Variants in PYCR3 observed in about 807,000 individuals in gnomAD.
PYCR3 encodes P5C reductase 3.
PYCR3 carries 26 observed loss-of-function variants against 23.4 expected under a neutral mutation model. The observed-to-expected ratio is 1.11, with a 90% CI of 0.81 to 1.54. PYCR3 has a LOEUF of 1.54. PYCR3 is among the 40% of genes most tolerant of loss of function. The pLI is 0.00. For missense variants in PYCR3, 360 were observed against 376.3 expected (o/e 0.96, Z 0.36); for synonymous variants, 194 against 162.6 (o/e 1.19, Z -1.47).
rs767724286 is a variant in PYCR3, at chr8:143,607,170, T to G, written c.157-38A>C. On this transcript the variant is annotated intron_variant, in intron 2 of 5. Transcript: ENST00000495276. ...CACCAGGACCAAGCCTCAGGGGCCA[T>G]GTAAGCGGCGCACCCTCTCCATCAC... is the stretch of plus-strand genomic sequence containing the variant. 2.7e-6 allele frequency: 4 copies of G among 1,494,318 alleles called. No homozygotes were observed. The South Asian group carries it at 3.9e-5, about 14-fold the overall frequency. The allele number at this position is 1,494,318 out of a possible 1,614,324, so 92.6% of individuals were successfully genotyped here.
chr8:143,608,235 C>G, intron 1 of PYCR3, 109 bp from the exon 2 acceptor site: 1 of 815,124 alleles, frequency 1.2e-6, no homozygotes, highest in Non-Finnish European at 2.0e-6. Context: ...CCTGGCCCAT[C>G]CTGGGCCCCC....
Position 143,606,630 on chromosome 8 carries a change from CAG to C in PYCR3, c.384_385del (p.Val130GlyfsTer33). ...CACTATGGCCCCTTCCTGGACCACA[CAG>C]GGCAGGTTGGGCAAGACCCGCAGCA... On this transcript the variant is annotated frameshift_variant, in exon 4 of 6. Transcript: ENST00000495276. LOFTEE classifies it high-confidence loss of function. 1 of 1,609,362 alleles carries C rather than the reference CAG, an allele frequency of 6.2e-7. No individual in the cohort carries two copies. The highest frequency in any genetic ancestry group is 8.5e-7 in the Non-Finnish European group (1 of 1,178,610).
rs1271318510 is a variant in PYCR3 at position 143,604,812 on chromosome 8, T to G, written c.*888A>C. On this transcript the variant is annotated 3_prime_UTR_variant, in exon 6 of 6. Transcript: ENST00000495276. ...CAGGTGGAGGGGCCAAGTCTTGCCA[T>G]CAGAGGCCAGTGTGGTGGTGCCAGA... The G allele has an allele frequency of 7.8e-5, 35 of 447,326 alleles. No homozygotes were observed. Among genetic ancestry groups the G allele is most frequent in the South Asian group, 5.5e-4 (35 of 63,528 alleles). 27.7% of individuals were successfully genotyped at this position (447,326 alleles called of 1,614,324 possible).
chr8:143,609,489 C>A lies in PYCR3; in HGVS notation c.60G>T (p.Ala20=), dbSNP rs532528390. 6.6e-7 allele frequency: 1 copy of A among 1,513,910 alleles called. No individual in the cohort carries two copies. Among genetic ancestry groups the A allele is most frequent in the Admixed American group, 2.0e-5 (1 of 49,092 alleles). The allele number at this position is 1,513,910 out of a possible 1,614,324, so 93.8% of individuals were successfully genotyped here. The change falls in exon 1 of 6, where the codon GCG becomes GCT. Residue 20 remains alanine, a synonymous_variant. Coordinates refer to ENST00000495276, the MANE Select transcript of PYCR3 (RefSeq NM_023078.6). ...TGATGAGGCCCTGCGCGATGGCCCC[C>A]GCCATGCGGCCCGCGCCCACGAAGC... ...RVGFVGAGRM[A]GAIAQGLIRA... is the part of the protein sequence containing the mutation.
At chr8:143,606,199 T>G in intron 4 of PYCR3, 45 bp from the exon 5 acceptor site, 1 of 1,515,260 alleles carries the variant, frequency 6.6e-7, no homozygotes, top group Non-Finnish European at 9.0e-7. Flanking sequence ...TGTCAAAGCC[T>G]GGGGGCTCAG....
At chr8:143,608,449 T>G in intron 1 of PYCR3, 1 of 415,156 alleles carries the variant, frequency 2.4e-6, no homozygotes, top group Non-Finnish European at 4.4e-6. Flanking sequence ...GCAGTACCTC[T>G]GGAGGAACAC....
Position 143,605,595 on chromosome 8 carries a change from CAGT to C in PYCR3, c.*102_*104del, listed in dbSNP as rs1829370640. 1 of 1,035,534 alleles carries C rather than the reference CAGT, an allele frequency of 9.7e-7. No homozygotes were observed. Among genetic ancestry groups the C allele is most frequent in the Non-Finnish European group, 1.4e-6 (1 of 721,510 alleles). The allele number at this position is 1,035,534 out of a possible 1,614,324, so 64.1% of individuals were successfully genotyped here. On this transcript the variant is annotated 3_prime_UTR_variant, in exon 6 of 6. Transcript: ENST00000495276. ...TTTCCCTGTGCAAGGGGAGAAGGAGCAGTAGGAGACCCTCATGCAGGAGGGAGG... is the reference window on the plus strand; with the variant it reads ...TTTCCCTGTGCAAGGGGAGAAGGAGCAGGAGACCCTCATGCAGGAGGGAGG...
chr8:143,605,772 G>T lies in PYCR3; in HGVS notation c.753C>A (p.Gly251=), dbSNP rs375748238. 2 of 1,611,220 alleles carry T rather than the reference G, an allele frequency of 1.2e-6. No individual in the cohort carries two copies. Among genetic ancestry groups the T allele is most frequent in the East Asian group, 2.2e-5 (1 of 44,836 alleles). Residue 251 remains glycine (G), a synonymous_variant, in exon 6 of 6, where the codon GGC becomes GGA. Transcript: ENST00000495276. The part of the protein sequence containing the change: ...TIYGLHALEQ[G]GLRAATMSAV... The stretch of plus-strand genomic sequence containing the variant: ...CGCTCATGGTGGCTGCTCGCAGCCC[G>T]CCCTGCTCCAGGGCGTGGAGTCCAT...
chr8:143,608,460 C>A, intron 1 of PYCR3: 1 of 396,576 alleles, frequency 2.5e-6, no homozygotes. Context: ...GGAGGAACAC[C>A]AGGCCTTGGG....
At chr8:143,608,235 C>T in intron 1 of PYCR3, 109 bp from the exon 2 acceptor site, 1 of 815,132 alleles carries the variant, frequency 1.2e-6, no homozygotes, top group Admixed American at 2.2e-5. Flanking sequence ...CCTGGCCCAT[C>T]CTGGGCCCCC....
At chr8:143,607,457 C>T (rs1342076555) in intron 2 of PYCR3, among the ~76,000 whole-genome samples, 1 of 152,222 alleles carries the variant, frequency 6.6e-6, no homozygotes, top group Non-Finnish European at 1.5e-5. Flanking sequence ...CACGCAGACA[C>T]ATGCACTCAC....
chr8:143,607,136 C>T lies in PYCR3; in HGVS notation c.157-4G>A, dbSNP rs569296466. 7.1e-6 allele frequency: 11 copies of T among 1,559,528 alleles called. No homozygotes were observed. The Admixed American group carries it at 9.5e-5, about 13-fold the overall frequency. On this transcript the variant is annotated splice_region_variant and splice_polypyrimidine_tract_variant and intron_variant, in intron 2 of 5. Coordinates refer to ENST00000495276, the MANE Select transcript of PYCR3 (RefSeq NM_023078.6). ...GCGTGGTCCGGCAACCCAGAGCCTG[C>T]GCCAGGGACACCAGGACCAAGCCTC... is the stretch of plus-strand genomic sequence containing the variant.
Position 143,606,585 on chromosome 8 carries a change from A to G in PYCR3, c.431T>C (p.Val144Ala). 1 of 1,612,550 alleles carries G rather than the reference A, an allele frequency of 6.2e-7. No homozygotes were observed. Among genetic ancestry groups the G allele is most frequent in the Non-Finnish European group, 8.5e-7 (1 of 1,179,834 alleles). The change falls in exon 4 of 6, where the codon GTG (valine) becomes GCG (alanine). Residue 144 changes from valine to alanine, a missense_variant. Transcript: ENST00000495276. ...GAIVMARGRHVGSSETKLLQH... is the reference protein window; with the variant it reads ...GAIVMARGRHAGSSETKLLQH... ...CAGGAGCTTGGTCTCGCTGCTCCCC[A>G]CGTGGCGGCCCCGCGCCATCACTAT...
rs1396331920 is a variant in PYCR3 at position 143,604,161 on chromosome 8, G to C, written c.*1539C>G. ...CCCGCCTCGGCCTCCCAAAGTGCTG[G>C]AATTACAGATGTGAGCCACTGGGCC... On this transcript the variant is annotated 3_prime_UTR_variant, in exon 6 of 6. Coordinates refer to ENST00000495276, the MANE Select transcript of PYCR3 (RefSeq NM_023078.6). The C allele has an allele frequency of 2.0e-5, 3 of 152,200 alleles. No individual in the cohort carries two copies. Among genetic ancestry groups the C allele is most frequent in the African/African-American group, 7.2e-5 (3 of 41,424 alleles). The allele number at this position is 152,200 out of a possible 1,614,324, so 9.4% of individuals were successfully genotyped here.
At position 143,606,671 on chromosome 8, in the gene PYCR3, G is replaced by A; in HGVS notation, c.345C>T (p.Pro115=). 17 of 1,590,492 alleles carry A rather than the reference G, an allele frequency of 1.1e-5. No homozygotes were observed. The highest frequency in any genetic ancestry group is 1.5e-5 in the Non-Finnish European group (17 of 1,169,976). ...VSLSTLEELL[P]PNTRVLRVLP... ...AGACCCGCAGCACCCGTGTGTTTGGGGGCAGCAGCTGGCCAGAGAGAGGTC... is the reference window on the plus strand; with the variant it reads ...AGACCCGCAGCACCCGTGTGTTTGGAGGCAGCAGCTGGCCAGAGAGAGGTC... The change falls in exon 4 of 6, where the codon CCC becomes CCT. Residue 115 remains proline, a synonymous_variant. Coordinates refer to ENST00000495276, the MANE Select transcript of PYCR3 (RefSeq NM_023078.6).
Position 143,606,129 on chromosome 8 carries a change from G to C in PYCR3, c.575C>G (p.Ala192Gly). The C allele has an allele frequency of 1.2e-6, 2 of 1,610,236 alleles. No individual in the cohort carries two copies. The highest frequency in any genetic ancestry group is 1.7e-4 in the Middle Eastern group (1 of 6,050). ...CATGCCCATCTTGACGGCTCCTTCA[G>C]CCAGGGCCTCGGAGAATGCACACAC... ...AFVCAFSEAL[A>G]EGAVKMGMPS... The change falls in exon 5 of 6, where the codon GCT (alanine) becomes GGT (glycine). Residue 192 changes from alanine to glycine, a missense_variant. By Grantham distance (60) the Ala-to-Gly change is moderately conservative. Coordinates refer to ENST00000495276, the MANE Select transcript of PYCR3 (RefSeq NM_023078.6).
In PYCR3 at chr8:143,606,668, T is replaced by G; in HGVS notation, c.348A>C (p.Pro116=). 1 of 1,593,002 alleles carries G rather than the reference T, an allele frequency of 6.3e-7. No individual in the cohort carries two copies. The change falls in exon 4 of 6, where the codon CCA becomes CCC. Residue 116 remains proline (P), a synonymous_variant. Coordinates refer to ENST00000495276, the MANE Select transcript of PYCR3 (RefSeq NM_023078.6). ...SLSTLEELLP[P]NTRVLRVLPN... is the part of the protein sequence containing the mutation. ...GCAAGACCCGCAGCACCCGTGTGTT[T>G]GGGGGCAGCAGCTGGCCAGAGAGAG... is the stretch of plus-strand genomic sequence containing the variant.
chr8:143,606,051 C>T lies in PYCR3; in HGVS notation c.642+11G>A. On this transcript the variant is annotated intron_variant, in intron 5 of 5. Coordinates refer to ENST00000495276, the MANE Select transcript of PYCR3 (RefSeq NM_023078.6). ...CCTTCCCGATGTTCCCCAGGGGCCACCCTCACTCACCAGCAGGGTCTGGGC... is the reference window on the plus strand; with the variant it reads ...CCTTCCCGATGTTCCCCAGGGGCCATCCTCACTCACCAGCAGGGTCTGGGC... 6.2e-7 allele frequency: 1 copy of T among 1,603,780 alleles called. No individual in the cohort carries two copies. The highest frequency in any genetic ancestry group is 1.1e-5 in the South Asian group (1 of 89,698).
In PYCR3 at chr8:143,605,626, G is replaced by T; in HGVS notation, c.*74C>A. 7.4e-7 allele frequency: 1 copy of T among 1,344,456 alleles called. No individual in the cohort carries two copies. Among genetic ancestry groups the T allele is most frequent in the Non-Finnish European group, 1.0e-6 (1 of 979,008 alleles). 83.3% of individuals were successfully genotyped at this position (1,344,456 alleles called of 1,614,324 possible). On this transcript the variant is annotated 3_prime_UTR_variant, in exon 6 of 6. Transcript: ENST00000495276. ...GAGACCCTCATGCAGGAGGGAGGGA[G>T]CCGCAGTCCTCAGGGGAAGGGACAC...
Sources: gnomAD v4.1 joint callset for allele counts (sites outside exome capture counted in the v4.1 genomes callset) on GRCh38, gnomAD v4.1.1 for gene constraint, MANE v1.5 for transcripts, NCBI Gene and HGNC (gene_info 2026-07-23, HGNC 2026-07-21) for gene names.